The following TOR1AIP1 variants were observed in gnomAD, a reference collection of about 807,000 sequenced individuals.
TOR1AIP1 encodes torsin-1A-interacting protein 1.
Under a neutral mutation model 63.3 loss-of-function variants are expected in TOR1AIP1, and 54 were observed. The ratio of observed to expected loss-of-function variants is 0.85; its 90% confidence interval spans 0.69 to 1.07. The LOEUF is 1.07. Among genes scored for constraint, TOR1AIP1 ranks in the 50% least tolerant of loss-of-function variants. TOR1AIP1 has a pLI of 0.00. For missense variants in TOR1AIP1, 736 were observed against 715.0 expected, an observed-to-expected ratio of 1.03 and a Z score of -0.33; for synonymous variants, 294 against 273.5, an observed-to-expected ratio of 1.07 and a Z score of -0.74.
intron 3 of TOR1AIP1, among the ~76,000 whole-genome samples, chr1:179,895,847 A>G (rs922332660): frequency 6.6e-6 from 1 of 152,028 alleles, no homozygotes; most frequent in African/African-American, 2.4e-5. Flanking sequence ...TGAACCCGGG[A>G]GGCAGAGGTT....
chr1:179,886,169 A>G (rs758142595), intron 2 of TOR1AIP1, among the ~76,000 whole-genome samples: 2 of 152,174 alleles, frequency 1.3e-5, no homozygotes, highest in Non-Finnish European at 1.5e-5. Context: ...TCTTGAATTT[A>G]TTTGCAGTAG....
At position 179,882,418 on chromosome 1, in the gene TOR1AIP1, C is replaced by A; in HGVS notation, c.-85C>A. On this transcript the variant is annotated 5_prime_UTR_variant, in exon 1 of 10. Coordinates refer to ENST00000606911, the MANE Select transcript of TOR1AIP1 (RefSeq NM_015602.4). ...ACCACAGCGGCCACCGCCCAACACCCCCGAGAAGCCATCGCCACCACCGGC... is the reference window on the plus strand; with the variant it reads ...ACCACAGCGGCCACCGCCCAACACCACCGAGAAGCCATCGCCACCACCGGC... 7.6e-7 allele frequency: 1 copy of A among 1,322,062 alleles called. No homozygotes were observed. Among genetic ancestry groups the A allele is most frequent in the South Asian group, 1.9e-5 (1 of 52,746 alleles). The allele number at this position is 1,322,062 out of a possible 1,614,324, so 81.9% of individuals were successfully genotyped here.
Position 179,882,686 on chromosome 1 carries a change from G to T in TOR1AIP1, c.184G>T (p.Glu62Ter). The change falls in exon 1 of 10, where the codon GAG becomes TAG. Residue 62 changes from glutamate (E) to a stop codon, truncating the protein, a stop_gained. Transcript: ENST00000606911. LOFTEE classifies it high-confidence loss of function. ...CCGGCGGGAAGTGAGGTTCTCGGAC[G>T]AGCCGCCAGAAGTGTACGGCGACTT... ...QGRREVRFSD[E>*]PPEVYGDFEP... The T allele has an allele frequency of 1.2e-6, 2 of 1,605,036 alleles. No homozygotes were observed. The highest frequency in any genetic ancestry group is 1.7e-6 in the Non-Finnish European group (2 of 1,174,776).
At chr1:179,883,115 A>G (rs931844381) in intron 1 of TOR1AIP1, 138 bp downstream of exon 1, 4 of 815,644 alleles carry the variant, frequency 4.9e-6, no homozygotes, top group Non-Finnish European at 7.7e-6. Flanking sequence ...CCCCCTCTGG[A>G]CTTGTGCCGC....
At position 179,882,732 on chromosome 1, in the gene TOR1AIP1, A is replaced by G. The variant is rs1279097987; in HGVS notation, c.230A>G (p.Glu77Gly). 2.5e-6 allele frequency: 4 copies of G among 1,613,946 alleles called. No homozygotes were observed. The highest frequency in any genetic ancestry group is 3.4e-6 in the Non-Finnish European group (4 of 1,179,944). ...GACTTCGAGCCCCTGGTGGCCAAAG[A>G]AAGGTCCCCGGTGGGAAAACGAACC... Reference protein sequence around the residue: ...YGDFEPLVAKERSPVGKRTRL... With the variant: ...YGDFEPLVAKGRSPVGKRTRL... The change falls in exon 1 of 10, where the codon GAA becomes GGA. Residue 77 changes from glutamate to glycine, a missense_variant. Transcript: ENST00000606911.
chr1:179,885,802 G>A (rs986175476), intron 2 of TOR1AIP1, among the ~76,000 whole-genome samples: 2 of 152,066 alleles, frequency 1.3e-5, no homozygotes, highest in South Asian at 4.2e-4. Context: ...GTGCAGTGGT[G>A]CCATCTCCAC....
chr1:179,906,744 T>C (rs12097140), intron 6 of TOR1AIP1, among the ~76,000 whole-genome samples: 84 of 88,802 alleles, frequency 9.5e-4, no homozygotes, highest in South Asian at 1.8e-3. Flanking sequence ...CCCCCCCCCC[T>C]TTTTTTTTTT....
At chr1:179,891,458 T>G (rs527852967) in intron 3 of TOR1AIP1, among the ~76,000 whole-genome samples, 1 of 151,756 alleles carries the variant, frequency 6.6e-6, no homozygotes, top group South Asian at 2.1e-4. Context: ...TCCCTGACCT[T>G]GTGATCTACC....
Position 179,900,108 on chromosome 1 carries a change from T to C in TOR1AIP1, c.611-18T>C. ...GATGTTATATGTTTAATATTTGATG[T>C]ATGCTTTTTTCTTCTAGAAGCCACC... On this transcript the variant is annotated intron_variant, in intron 3 of 9. Transcript: ENST00000606911. The C allele has an allele frequency of 6.3e-7, 1 of 1,594,336 alleles. No homozygotes were observed. The highest frequency in any genetic ancestry group is 1.1e-5 in the South Asian group (1 of 89,652).
At chr1:179,914,779 C>T (rs145164701) in intron 9 of TOR1AIP1, among the ~76,000 whole-genome samples, 1 of 146,124 alleles carries the variant, frequency 6.8e-6, no homozygotes, top group East Asian at 2.0e-4. Context: ...GGCAACAGAG[C>T]GAGACTCTGT....
chr1:179,908,491 T>C (rs1648721238), intron 7 of TOR1AIP1, 114 bp from the exon 8 acceptor site: 1 of 834,958 alleles, frequency 1.2e-6, no homozygotes, highest in South Asian at 1.8e-5. Flanking sequence ...GCTTTTATTG[T>C]TTTCTTCCCC....
intron 4 of TOR1AIP1, 105 bp from the exon 5 acceptor site, chr1:179,901,192 ATAACT>A: frequency 1.7e-6 from 1 of 603,018 alleles, no homozygotes; most frequent in Non-Finnish European, 2.7e-6. Context: ...TCTATATCTG[ATAACT>A]TAAAAGGCTT....
At position 179,917,950 on chromosome 1, in the gene TOR1AIP1, C is replaced by T. The variant is rs1649075271; in HGVS notation, c.1463C>T (p.Ser488Phe). Residue 488 changes from serine to phenylalanine, a missense_variant, in exon 10 of 10, where the codon TCT becomes TTT. Ser to Phe is a radical substitution (Grantham distance 155). Coordinates refer to ENST00000606911, the MANE Select transcript of TOR1AIP1 (RefSeq NM_015602.4). ...CGCTTTGAGTCATTTCCCGCAGGCT[C>T]TACTTTGATCTTCTACAAATATTGT... Reference protein sequence around the residue: ...VHRFESFPAGSTLIFYKYCDH... With the variant: ...VHRFESFPAGFTLIFYKYCDH... The T allele has an allele frequency of 1.2e-6, 2 of 1,614,210 alleles. No homozygotes were observed. The highest frequency in any genetic ancestry group is 4.5e-5 in the East Asian group (2 of 44,894).
At chr1:179,892,724 C>G (rs528476023) in intron 3 of TOR1AIP1, among the ~76,000 whole-genome samples, 25 of 131,654 alleles carry the variant, frequency 1.9e-4, no homozygotes, top group Non-Finnish European at 3.8e-4. Flanking sequence ...GGGGACAGAG[C>G]GAGACTCCGT....
intron 2 of TOR1AIP1, among the ~76,000 whole-genome samples, chr1:179,887,105 G>A (rs928679144): frequency 5.9e-5 from 9 of 152,116 alleles, no homozygotes; most frequent in African/African-American, 1.7e-4. Context: ...ATGCCCTTAC[G>A]AATAAAGACC....
intron 8 of TOR1AIP1, 63 bp from the exon 9 acceptor site, chr1:179,913,935 G>T: frequency 1.4e-6 from 2 of 1,439,246 alleles, no homozygotes; most frequent in Non-Finnish European, 1.9e-6. Context: ...TTGTCTACTA[G>T]AAATAAATAC....
chr1:179,917,320 T>C (rs1290084399), intron 9 of TOR1AIP1, 132 bp from the exon 10 acceptor site: 2 of 762,840 alleles, frequency 2.6e-6, no homozygotes, highest in East Asian at 2.5e-5. Flanking sequence ...AAGAAAATTA[T>C]CAGCTTTCTT....
intron 6 of TOR1AIP1, 56 bp from the exon 7 acceptor site, chr1:179,907,765 ATC>A: frequency 7.2e-7 from 1 of 1,382,210 alleles, no homozygotes; most frequent in Non-Finnish European, 9.9e-7. Context: ...TCTGTGCAAC[ATC>A]TTTTTTGTTG....
intron 8 of TOR1AIP1, among the ~76,000 whole-genome samples, chr1:179,910,430 ATTT>A (rs1648796436): frequency 6.6e-6 from 1 of 152,020 alleles, no homozygotes; most frequent in Non-Finnish European, 1.5e-5. Flanking sequence ...GTCATAATTC[ATTT>A]TTTCTCAGCA....
Sources: gnomAD v4.1 joint callset for allele counts (sites outside exome capture counted in the v4.1 genomes callset) on GRCh38, gnomAD v4.1.1 for gene constraint, MANE v1.5 for transcripts, NCBI Gene and HGNC (gene_info 2026-07-23, HGNC 2026-07-21) for gene names.